Variants in NEBL observed in about 807,000 individuals in gnomAD.
NEBL encodes nebulette, also known as LIM and SH3 protein 2.
A neutral mutation model predicts 140.2 loss-of-function variants in NEBL; 122 were observed. The observed-to-expected ratio is 0.87, with a 90% CI of 0.75 to 1.01. The LOEUF is 1.01. Among genes scored for constraint, NEBL ranks in the 50% least tolerant of loss-of-function variants. NEBL has a pLI of 0.00. For missense variants in NEBL, 1,365 were observed against 1,231.3 expected (o/e 1.11, Z -1.62); for synonymous variants, 436 against 398.9 (o/e 1.09, Z -1.11).
At chr10:20,851,722 T>A (rs1189021287) in intron 10 of NEBL, among the ~76,000 whole-genome samples, 1 of 151,820 alleles carries the variant, frequency 6.6e-6, no homozygotes, top group Non-Finnish European at 1.5e-5. Flanking sequence ...GAGGCAGAGG[T>A]TGCAGTGAAC....
chr10:20,835,104 T>A (rs1840745921), intron 14 of NEBL, among the ~76,000 whole-genome samples: 1 of 152,200 alleles, frequency 6.6e-6, no homozygotes, highest in Admixed American at 6.6e-5. Flanking sequence ...TGACTATTGT[T>A]CTCATGTAAA....
chr10:20,803,857 T>G (rs73607515), intron 26 of NEBL, among the ~76,000 whole-genome samples: 2,848 of 149,456 alleles, frequency 0.019, 99 homozygotes, highest in African/African-American at 0.067. Context: ...ACTGGGAATG[T>G]TTTCACTTTA....
chr10:21,032,938 T>C (rs144023135), intron 2 of NEBL, among the ~76,000 whole-genome samples: 11 of 152,318 alleles, frequency 7.2e-5, no homozygotes, highest in African/African-American at 2.2e-4. Flanking sequence ...CCTACCCTAC[T>C]ATGAAATGCT....
intron 2 of NEBL, among the ~76,000 whole-genome samples, chr10:21,032,139 TA>T (rs374073327): frequency 2.6e-5 from 4 of 152,332 alleles, no homozygotes; most frequent in African/African-American, 9.6e-5. Context: ...TCAAATGTTT[TA>T]AGTCTCATGA....
chr10:21,241,730 C>A (rs544449440), intron 3 of NEBL, among the ~76,000 whole-genome samples: 1 of 152,110 alleles, frequency 6.6e-6, no homozygotes, highest in Non-Finnish European at 1.5e-5. Context: ...GGCCACCACC[C>A]GGGCATTTGA....
In NEBL at chr10:21,029,602, C is replaced by T. The variant is rs949057241; in HGVS notation, c.165-9401G>A. 3.8e-6 allele frequency: 6 copies of T among 1,561,932 alleles called. No individual in the cohort carries two copies. In the African/African-American group the frequency reaches 5.4e-5, roughly 14 times the overall value. On this transcript the variant is annotated intron_variant, in intron 2 of 6. Coordinates refer to the NEBL transcript ENST00000417816. Reference sequence around the variant, plus strand: ...CAAAACAGATACAGACTGGAGGGCTCGTTCTGCCACAGACAGCTTTGATGA... The same window carrying T: ...CAAAACAGATACAGACTGGAGGGCTTGTTCTGCCACAGACAGCTTTGATGA...
At chr10:20,794,101 T>C (rs1238844339) in intron 26 of NEBL, among the ~76,000 whole-genome samples, 2 of 152,246 alleles carry the variant, frequency 1.3e-5, no homozygotes. Flanking sequence ...AAGCTCATTG[T>C]AGAATAATTT....
chr10:20,933,461 C>T (rs11012401), intron 4 of NEBL, among the ~76,000 whole-genome samples: 3,524 of 152,158 alleles, frequency 0.023, 141 homozygotes, highest in African/African-American at 0.078. Context: ...AGGCCGGGTG[C>T]GGTGGCTCAT....
chr10:20,981,649 A>G (rs1283243857), intron 3 of NEBL, among the ~76,000 whole-genome samples: 8 of 152,122 alleles, frequency 5.3e-5, no homozygotes, highest in Non-Finnish European at 1.0e-4. Context: ...TGACTTGTTC[A>G]GCCATGGACA....
intron 2 of NEBL, among the ~76,000 whole-genome samples, chr10:21,112,072 T>C (rs1386347744): frequency 6.6e-6 from 1 of 152,180 alleles, no homozygotes; most frequent in Non-Finnish European, 1.5e-5. Context: ...ATGGCGATCA[T>C]TGAAAAGTCA....
chr10:20,826,528 CT>C lies in NEBL; in HGVS notation c.1787del (p.Lys596ArgfsTer10). ...TQQNISAVFY[K>X]KEVGAGTAVK... ...CTGCAGTGCCAGCTCCCACTTCTTT[CT>C]TATAAAATACCTTTATTATAAGAAA... On this transcript the variant is annotated frameshift_variant, in exon 18 of 28. Coordinates refer to ENST00000377122, the MANE Select transcript of NEBL (RefSeq NM_006393.3). LOFTEE classifies it high-confidence loss of function. 1 of 1,609,348 alleles carries C rather than the reference CT, an allele frequency of 6.2e-7. No homozygotes were observed. Among genetic ancestry groups the C allele is most frequent in the Non-Finnish European group, 8.5e-7 (1 of 1,176,388 alleles).
rs192390144 is a variant in NEBL, at chr10:21,214,235, T to C, written n.348+33686A>G. Among the ~76,000 whole-genome samples the C allele has an allele frequency of 2.0e-5, 3 of 151,958 alleles. No homozygotes were observed. In the East Asian group the frequency reaches 5.8e-4, roughly 29 times the overall value. On this transcript the variant is annotated intron_variant and non_coding_transcript_variant, in intron 3 of 8. Coordinates refer to the NEBL transcript ENST00000675702. Reference sequence around the variant, plus strand: ...CACACAAAAGGCAAAGAAAAGTGCTTTCTATCTTATGTTTTTTCAAATTAA... The same window carrying C: ...CACACAAAAGGCAAAGAAAAGTGCTCTCTATCTTATGTTTTTTCAAATTAA...
At chr10:20,851,653 C>T (rs2131064563) in intron 10 of NEBL, among the ~76,000 whole-genome samples, 1 of 150,336 alleles carries the variant, frequency 6.7e-6, no homozygotes, top group Non-Finnish European at 1.5e-5. Context: ...GGCGTGGTGG[C>T]ATGCACCTGT....
chr10:20,885,311 C>T (rs562083832), intron 4 of NEBL, among the ~76,000 whole-genome samples: 5 of 152,228 alleles, frequency 3.3e-5, no homozygotes, highest in Non-Finnish European at 7.4e-5. Context: ...AATCGATGTA[C>T]GTAAATCTAA....
chr10:21,021,237 T>G (rs1321281651), intron 2 of NEBL, among the ~76,000 whole-genome samples: 1 of 152,226 alleles, frequency 6.6e-6, no homozygotes, highest in South Asian at 2.1e-4. Flanking sequence ...CTTGACTCCA[T>G]TTTTTAATTG....
chr10:20,924,024 A>G (rs2131510006), intron 4 of NEBL, among the ~76,000 whole-genome samples: 1 of 152,282 alleles, frequency 6.6e-6, no homozygotes, highest in African/African-American at 2.4e-5. Context: ...CCCCACATCT[A>G]GGTCCCCAGG....
chr10:20,840,568 A>G (rs2130969732), intron 13 of NEBL, among the ~76,000 whole-genome samples, 171 bp downstream of exon 13: 3 of 152,224 alleles, frequency 2.0e-5, no homozygotes, highest in Admixed American at 2.0e-4. Context: ...CATCACATAG[A>G]AAGGGGATTT....
At chr10:20,900,774 G>A (rs1448516663), upstream of NEBL, among the ~76,000 whole-genome samples, 1 of 151,246 alleles carries the variant, frequency 6.6e-6, no homozygotes, top group Non-Finnish European at 1.5e-5. Flanking sequence ...GAACTTGGGA[G>A]GCGTAGGTTG....
chr10:21,046,524 A>G (rs1485254624), intron 2 of NEBL, among the ~76,000 whole-genome samples: 1 of 152,206 alleles, frequency 6.6e-6, no homozygotes, highest in Admixed American at 6.5e-5. Flanking sequence ...AGGCAGACAT[A>G]TGACTTTTCA....
Sources: allele counts gnomAD v4.1 joint callset (sites outside exome capture counted in the v4.1 genomes callset), GRCh38; gene constraint gnomAD v4.1.1; transcripts MANE v1.5; gene names NCBI Gene and HGNC (gene_info 2026-07-23, HGNC 2026-07-21).